LARP4: variants seen among roughly 807,000 people sequenced by gnomAD.
The protein encoded by LARP4 is La ribonucleoprotein 4, also known as la-related protein 4.
LARP4 carries 29 observed loss-of-function variants against 92.9 expected under a neutral mutation model. The observed-to-expected ratio is 0.31, with a 90% CI of 0.23 to 0.43. The LOEUF (loss-of-function observed/expected upper bound fraction) is 0.43, where lower values mean the gene tolerates loss of function less well. LARP4 is among the 20% of genes least tolerant of loss of function. The pLI is 1.00. For missense variants in LARP4, 732 were observed against 860.0 expected (o/e 0.85, Z 1.86); for synonymous variants, 279 against 284.1 (o/e 0.98, Z 0.18).
rs1201662264 is a variant in LARP4, at chr12:50,457,968, C to T, written c.1122-3167C>T. On this transcript the variant is annotated intron_variant, in intron 10 of 15. Coordinates refer to ENST00000398473, the MANE Select transcript of LARP4 (RefSeq NM_052879.5). ...TTTTTTTTTAAGACAGTGTTTTGCC[C>T]TGTCACCCAGGCTGTAGTGCAGTAA... Among the ~76,000 whole-genome samples, 4 of 149,678 alleles carry T rather than the reference C, an allele frequency of 2.7e-5. No homozygotes were observed. The East Asian group carries it at 7.8e-4, about 29-fold the overall frequency.
intron 1 of LARP4, 85 bp downstream of exon 1, chr12:50,401,113 CCGGGCCGTA>C: frequency 6.7e-7 from 1 of 1,502,834 alleles, no homozygotes; most frequent in Non-Finnish European, 9.3e-7. Flanking sequence ...ATGTGACTTT[CCGGGCCGTA>C]CACGCCGCGG....
chr12:50,470,812 A>G (rs1385253186), intron 13 of LARP4, among the ~76,000 whole-genome samples: 1 of 152,174 alleles, frequency 6.6e-6, no homozygotes, highest in Non-Finnish European at 1.5e-5. Context: ...CACTATTTAT[A>G]GTCATTCTGC....
intron 1 of LARP4, among the ~76,000 whole-genome samples, chr12:50,422,647 C>T (rs1374541493): frequency 6.6e-6 from 1 of 151,794 alleles, no homozygotes; most frequent in East Asian, 1.9e-4. Context: ...CTGTATTCCT[C>T]ATCTGTTTAA....
intron 8 of LARP4, among the ~76,000 whole-genome samples, chr12:50,446,425 ATATATT>A (rs1324629034): frequency 8.4e-5 from 1 of 11,874 alleles, no homozygotes; most frequent in Non-Finnish European, 1.4e-4. Context: ...ATATATATAT[ATATATT>A]TTTTTTTTTT....
Position 50,420,947 on chromosome 12 carries a change from C to CTTTTTTTTTTTTTTTTTTTTT in LARP4, c.19-6798_19-6797insTTTTTTTTTTTTTTTTTTTTT, listed in dbSNP as rs71083567. On this transcript the variant is annotated intron_variant, in intron 1 of 15. Transcript: ENST00000398473. ...ATTTGAAGGTACAGAATAACCTTTGCTTTTTTTTTTTTTTTTTGGAGAGAT... is the reference window on the plus strand; with the variant it reads ...ATTTGAAGGTACAGAATAACCTTTGCTTTTTTTTTTTTTTTTTTTTTTTTTTTTTTTTTTTTTTGGAGAGAT... The CTTTTTTTTTTTTTTTTTTTTT allele has an allele frequency of 5.2e-4, 58 of 111,430 alleles. 2 individuals are homozygous for CTTTTTTTTTTTTTTTTTTTTT. Among genetic ancestry groups the CTTTTTTTTTTTTTTTTTTTTT allele is most frequent in the African/African-American group, 1.9e-3 (54 of 29,148 alleles). 6.9% of individuals were successfully genotyped at this position (111,430 alleles called of 1,614,324 possible).
chr12:50,431,719 G>A (rs1022082752), intron 4 of LARP4, among the ~76,000 whole-genome samples: 5 of 152,032 alleles, frequency 3.3e-5, no homozygotes, highest in Non-Finnish European at 5.9e-5. Context: ...GGTGGTGGGC[G>A]CCTGTAATCC....
intron 1 of LARP4, among the ~76,000 whole-genome samples, chr12:50,421,470 C>T (rs1947778095): frequency 2.0e-5 from 3 of 151,606 alleles, no homozygotes; most frequent in South Asian, 4.2e-4. Context: ...GGTGAAATCC[C>T]GTCTCTACTA....
At chr12:50,409,200 T>C (rs1384525718) in intron 1 of LARP4, among the ~76,000 whole-genome samples, 1 of 151,962 alleles carries the variant, frequency 6.6e-6, no homozygotes, top group Non-Finnish European at 1.5e-5. Context: ...AAGAAAACAA[T>C]GTCTAGAAAC....
At chr12:50,414,919 T>G (rs1374581966) in intron 1 of LARP4, among the ~76,000 whole-genome samples, 1 of 152,132 alleles carries the variant, frequency 6.6e-6, no homozygotes, top group Non-Finnish European at 1.5e-5. Flanking sequence ...AAATGTATAG[T>G]CTTGGCCTGG....
chr12:50,474,067 C>T lies in LARP4; in HGVS notation c.1736C>T (p.Thr579Ile), dbSNP rs1283448206. Residue 579 changes from threonine to isoleucine, a missense_variant, in exon 15 of 16, where the codon ACT (threonine) becomes ATT (isoleucine). Coordinates refer to ENST00000398473, the MANE Select transcript of LARP4 (RefSeq NM_052879.5). Reference protein sequence around the residue: ...SVQKDGLNQTTIPVSPPSTTK... With the variant: ...SVQKDGLNQTIIPVSPPSTTK... ...CAGAAGGATGGTCTCAATCAGACAA[C>T]TATACCAGTTTCTCCTCCAAGTACT... 6.2e-7 allele frequency: 1 copy of T among 1,612,288 alleles called. No homozygotes were observed. The highest frequency in any genetic ancestry group is 8.5e-7 in the Non-Finnish European group (1 of 1,179,550).
chr12:50,413,165 A>G lies in LARP4; in HGVS notation c.18+12137A>G, dbSNP rs892279724. Among the ~76,000 whole-genome samples, 6 of 151,970 alleles carry G rather than the reference A, an allele frequency of 3.9e-5. No homozygotes were observed. In the East Asian group the frequency reaches 5.8e-4, roughly 15 times the overall value. ...TTGACCCCGGGAGTCAGAGGTTGCA[A>G]TGAGCTGAGATCATGCCACTGCACT... is the stretch of plus-strand genomic sequence containing the variant. On this transcript the variant is annotated intron_variant, in intron 1 of 15. Transcript: ENST00000398473.
chr12:50,438,179 G>GA (rs778755271), intron 6 of LARP4, among the ~76,000 whole-genome samples: 4 of 152,176 alleles, frequency 2.6e-5, no homozygotes, highest in Non-Finnish European at 5.9e-5. Flanking sequence ...AAGAATGAAT[G>GA]AAAAACTAGA....
chr12:50,437,968 A>C, intron 6 of LARP4, 130 bp downstream of exon 6: 2 of 554,464 alleles, frequency 3.6e-6, no homozygotes, highest in Non-Finnish European at 6.4e-6. Flanking sequence ...TGCCTTCATC[A>C]GTTACTGTGA....
intron 5 of LARP4, among the ~76,000 whole-genome samples, chr12:50,435,867 C>T (rs1950327571): frequency 6.6e-6 from 1 of 151,912 alleles, no homozygotes; most frequent in South Asian, 2.1e-4. Context: ...CCCCAAACTC[C>T]TGGGCTCAAG....
intron 11 of LARP4, among the ~76,000 whole-genome samples, chr12:50,462,063 TCTTA>T (rs1400301621): frequency 6.6e-6 from 1 of 152,186 alleles, no homozygotes; most frequent in Non-Finnish European, 1.5e-5. Context: ...AATGGGCTCA[TCTTA>T]CTTTATGGTG....
intron 5 of LARP4, among the ~76,000 whole-genome samples, chr12:50,436,424 G>A (rs893046807): frequency 1.3e-5 from 2 of 151,952 alleles, no homozygotes; most frequent in African/African-American, 4.8e-5. Context: ...GATATGTATC[G>A]TTATCACACA....
rs138636447 is a variant in LARP4 at position 50,460,928 on chromosome 12, C to T, written c.1122-207C>T. On this transcript the variant is annotated intron_variant, in intron 10 of 15. Coordinates refer to ENST00000398473, the MANE Select transcript of LARP4 (RefSeq NM_052879.5). ...CTGCGCTCCAGCCTGGGCAACAGAG[C>T]GAGACTCCATCTCAAAAAAGTTTAC... Among the ~76,000 whole-genome samples, 1,212 of 152,126 alleles carry T rather than the reference C, an allele frequency of 8.0e-3. 15 individuals are homozygous for T. Among genetic ancestry groups the T allele is most frequent in the African/African-American group, 0.028 (1,159 of 41,510 alleles).
chr12:50,411,774 G>A (rs1367652069), intron 1 of LARP4, among the ~76,000 whole-genome samples: 1 of 151,940 alleles, frequency 6.6e-6, no homozygotes, highest in African/African-American at 2.4e-5. Context: ...TCTGCCCCCC[G>A]AGTTCAAGTG....
At chr12:50,432,260 A>T (rs1486447580) in intron 4 of LARP4, among the ~76,000 whole-genome samples, 1 of 152,222 alleles carries the variant, frequency 6.6e-6, no homozygotes, top group Non-Finnish European at 1.5e-5. Flanking sequence ...ACAGAACCAT[A>T]GAAGATGTAG....
Sources: gnomAD v4.1 joint callset for allele counts (sites outside exome capture counted in the v4.1 genomes callset) on GRCh38, gnomAD v4.1.1 for gene constraint, MANE v1.5 for transcripts, NCBI Gene and HGNC (gene_info 2026-07-23, HGNC 2026-07-21) for gene names.